LRRC74B: variants seen among roughly 807,000 people sequenced by gnomAD.
LRRC74B encodes the protein leucine-rich repeat-containing protein 74B.
LRRC74B carries 30 observed loss-of-function variants against 16.6 expected under a neutral mutation model. That is an observed-to-expected ratio of 1.80 (90% CI 1.35 to 2.45). LRRC74B has a LOEUF of 2.45. LRRC74B is among the 30% of genes most tolerant of loss of function. The pLI, the probability that LRRC74B is intolerant of heterozygous loss-of-function variation, is 0.00. For synonymous variants in LRRC74B, 134 were observed against 86.0 expected, an observed-to-expected ratio of 1.56 and a Z score of -3.09; for missense variants, 326 against 202.4, an observed-to-expected ratio of 1.61 and a Z score of -3.71.
At chr22:21,062,865 C>T (rs987917596), downstream of LRRC74B, 3 of 151,786 alleles carry the variant, frequency 2.0e-5, no homozygotes, top group South Asian at 2.1e-4. Flanking sequence ...CCCGTTTCTA[C>T]AAAAAACATT....
intron 8 of LRRC74B, among the ~76,000 whole-genome samples, chr22:21,059,153 C>T (rs1383711083): frequency 2.0e-5 from 3 of 152,098 alleles, no homozygotes; most frequent in Non-Finnish European, 2.9e-5. Context: ...TTTGGGAGGC[C>T]GAGGCAGGCA....
intron 4 of LRRC74B, among the ~76,000 whole-genome samples, chr22:21,050,924 G>A (rs868352640): frequency 1.9e-4 from 28 of 149,624 alleles, no homozygotes; most frequent in African/African-American, 6.9e-4. Context: ...GAGCCCCAGT[G>A]GTGACAACAA....
exon 8 of LRRC74B, chr22:21,057,160 A>C (rs1281866554): frequency 1.4e-6 from 1 of 717,448 alleles, no homozygotes; most frequent in Non-Finnish European, 2.6e-6. Flanking sequence ...AAGTCTGTCC[A>C]GGACAATCCA....
exon 2 of LRRC74B, chr22:21,047,446 G>A (rs747155313): frequency 8.4e-6 from 6 of 717,362 alleles, no homozygotes; most frequent in African/African-American, 3.5e-5. Context: ...TGCTTTCTGC[G>A]CCAAGGGAGC....
chr22:21,048,196 C>T (rs538783059), intron 3 of LRRC74B, 180 bp downstream of exon 3: 59 of 597,618 alleles, frequency 9.9e-5, no homozygotes, highest in South Asian at 1.5e-4. Flanking sequence ...GCTGTGCAGC[C>T]GATGCCTGAT....
chr22:21,049,234 G>A (rs1305539791), intron 4 of LRRC74B, 77 bp downstream of exon 4: 15 of 617,864 alleles, frequency 2.4e-5, no homozygotes, highest in South Asian at 3.9e-5. Flanking sequence ...TGGCAGGACC[G>A]CGCTGCACAT....
intron 4 of LRRC74B, among the ~76,000 whole-genome samples, chr22:21,051,288 G>T (rs1217343247): frequency 6.6e-6 from 1 of 152,154 alleles, no homozygotes; most frequent in Non-Finnish European, 1.5e-5. Context: ...GTTCGCTTTG[G>T]TGTTCCTGTG....
chr22:21,047,676 G>C (rs928257809), intron 2 of LRRC74B, among the ~76,000 whole-genome samples, 178 bp downstream of exon 2: 1 of 152,188 alleles, frequency 6.6e-6, no homozygotes, highest in African/African-American at 2.4e-5. Context: ...TGGCGTTAAG[G>C]GTTGTGGATC....
At chr22:21,061,103 G>A (rs1393794980), downstream of LRRC74B, among the ~76,000 whole-genome samples, 1 of 152,172 alleles carries the variant, frequency 6.6e-6, no homozygotes, top group African/African-American at 2.4e-5. Context: ...CTAGGTGGGT[G>A]GATCCCTTGA....
downstream of LRRC74B, chr22:21,064,143 T>G (rs1930930621): frequency 2.6e-5 from 4 of 152,356 alleles, no homozygotes; most frequent in Admixed American, 1.3e-4. Flanking sequence ...CTGGAATTTA[T>G]GATACAAAGA....
chr22:21,054,989 C>A, intron 6 of LRRC74B, 109 bp from the exon 7 acceptor site: 1 of 664,566 alleles, frequency 1.5e-6, no homozygotes, highest in South Asian at 1.7e-5. Context: ...GAACAAGAGA[C>A]CCAACCTGGT....
At chr22:21,053,596 C>G (rs1268545555) in intron 6 of LRRC74B, 121 bp downstream of exon 6, 4 of 608,682 alleles carry the variant, frequency 6.6e-6, no homozygotes, top group Admixed American at 3.0e-5. Context: ...CCCAGAGCAG[C>G]TCTGTCATCC....
chr22:21,060,446 A>G (rs1330333120), exon 9 of LRRC74B: 4 of 717,022 alleles, frequency 5.6e-6, no homozygotes, highest in South Asian at 1.5e-5. Flanking sequence ...CTCTGCATAA[A>G]GACTGGCGCT....
chr22:21,054,313 G>T (rs1930308236), intron 6 of LRRC74B, among the ~76,000 whole-genome samples: 1 of 152,238 alleles, frequency 6.6e-6, no homozygotes, highest in East Asian at 1.9e-4. Flanking sequence ...TCTGGGTGGG[G>T]CAAGGCAGGA....
chr22:21,057,824 G>C (rs1033471239), intron 8 of LRRC74B, among the ~76,000 whole-genome samples: 1 of 145,958 alleles, frequency 6.9e-6, no homozygotes, highest in Non-Finnish European at 1.5e-5. Flanking sequence ...GCCCAGGCTG[G>C]TTGCAAACTT....
intron 6 of LRRC74B, among the ~76,000 whole-genome samples, chr22:21,054,188 C>T (rs1170586141): frequency 1.3e-5 from 2 of 152,168 alleles, no homozygotes; most frequent in African/African-American, 2.4e-5. Flanking sequence ...TGTCCATTTC[C>T]GGTGGCATAC....
exon 2 of LRRC74B, chr22:21,047,407 G>T: frequency 1.4e-6 from 1 of 717,512 alleles, no homozygotes; most frequent in South Asian, 1.5e-5. Flanking sequence ...CTGAGGTCTT[G>T]CCGGGCCCAT....
chr22:21,047,411 G>C (rs1275345420), exon 2 of LRRC74B: 5 of 717,374 alleles, frequency 7.0e-6, no homozygotes, highest in Non-Finnish European at 1.3e-5. Flanking sequence ...GGTCTTGCCG[G>C]GCCCATAGTG....
At chr22:21,050,076 A>G (rs396659) in intron 4 of LRRC74B, among the ~76,000 whole-genome samples, 135,345 of 151,990 alleles carry the variant, frequency 0.89, 60,511 homozygotes, top group Admixed American at 0.93. Context: ...TCGCTCTGTC[A>G]CCCAGGCTGG....
Sources: allele counts gnomAD v4.1 joint callset (sites outside exome capture counted in the v4.1 genomes callset), GRCh38; gene constraint gnomAD v4.1.1; transcripts MANE v1.5; gene names NCBI Gene and HGNC (gene_info 2026-07-23, HGNC 2026-07-21).